Variants in MROH1 observed in about 807,000 individuals in gnomAD.
MROH1 encodes the protein maestro heat-like repeat-containing protein family member 1.
Under a neutral mutation model 116.5 loss-of-function variants are expected in MROH1, and 117 were observed. The ratio of observed to expected loss-of-function variants is 1.00; its 90% CI spans 0.86 to 1.17. MROH1 has a LOEUF of 1.17. MROH1 is among the 50% of genes most tolerant of loss of function. The probability of loss-of-function intolerance (pLI) is 0.00; values close to 1 mark genes in which losing one functional copy is unlikely to be tolerated. For missense variants in MROH1, 1,873 were observed against 1,338.5 expected (o/e 1.40, Z -6.23); for synonymous variants, 921 against 583.9 (o/e 1.58, Z -8.32).
At chr8:144,184,614 T>C (rs1304563150) in intron 7 of MROH1, among the ~76,000 whole-genome samples, 1 of 152,134 alleles carries the variant, frequency 6.6e-6, no homozygotes, top group Non-Finnish European at 1.5e-5. Flanking sequence ...AGGAGGTGGG[T>C]GTGGCAGCCG....
Position 144,163,898 on chromosome 8 carries a change from C to T in MROH1, c.22+50C>T, listed in dbSNP as rs765580753. ...GCCGGGTGTGAGGCCTCTCTTGCCT[C>T]TGGGTGGTCAGGGCAGGCCAAGGCT... On this transcript the variant is annotated intron_variant, in intron 3 of 43. Transcript: ENST00000326134. The surrounding 1 kb of genome is among the most constrained non-coding windows in gnomAD (Gnocchi z 4.4). 1.2e-6 allele frequency: 2 copies of T among 1,606,828 alleles called. No individual in the cohort carries two copies. Among genetic ancestry groups the T allele is most frequent in the African/African-American group, 1.3e-5 (1 of 74,826 alleles).
chr8:144,164,738 A>G (rs1306985930), intron 3 of MROH1, among the ~76,000 whole-genome samples: 1 of 151,972 alleles, frequency 6.6e-6, no homozygotes, highest in Non-Finnish European at 1.5e-5. Context: ...CCAGGTTTTC[A>G]TCAGAAAAAA....
chr8:144,241,619 G>A (rs994650770), intron 22 of MROH1, 102 bp downstream of exon 22: 584 of 762,942 alleles, frequency 7.7e-4, no homozygotes, highest in Non-Finnish European at 1.1e-3. Context: ...AGCTGGTTGC[G>A]TCCCTGGACC....
chr8:144,200,565 G>GCCGCCACC (rs1235739840), intron 12 of MROH1, 24 bp downstream of exon 12: 1 of 1,510,520 alleles, frequency 6.6e-7, no homozygotes. Context: ...TGCTAGCCTG[G>GCCGCCACC]CCGCCACCCC....
intron 24 of MROH1, 84 bp downstream of exon 24, chr8:144,242,712 C>A (rs1841215028): frequency 1.4e-6 from 1 of 730,866 alleles, no homozygotes; most frequent in Non-Finnish European, 2.5e-6. Flanking sequence ...TAGGCAGAGG[C>A]CGGAGGGGGA....
In MROH1 at chr8:144,190,933, A is replaced by C; in HGVS notation, c.712A>C (p.Lys238Gln). 1 of 1,612,908 alleles carries C rather than the reference A, an allele frequency of 6.2e-7. No individual in the cohort carries two copies. Among genetic ancestry groups the C allele is most frequent in the South Asian group, 1.1e-5 (1 of 91,036 alleles). ...FHQWLQSREA[K>Q]LRLAVVEALG... ...TCAGTGGCTGCAGAGTCGAGAAGCC[A>C]AGGTATGCCCCGTGGCTGCATCAGT... The change falls in exon 8 of 44, where the codon AAG (lysine) becomes CAG (glutamine). Residue 238 changes from lysine to glutamine, a missense_variant and splice_region_variant. Transcript: ENST00000326134.
intron 12 of MROH1, among the ~76,000 whole-genome samples, chr8:144,212,196 G>A (rs773340751): frequency 6.6e-6 from 1 of 152,018 alleles, no homozygotes; most frequent in Non-Finnish European, 1.5e-5. Context: ...GGATCCTCCT[G>A]TCTCAGCCTC....
chr8:144,159,833 T>C (rs1463452466), intron 1 of MROH1, among the ~76,000 whole-genome samples: 2 of 148,270 alleles, frequency 1.3e-5, no homozygotes, highest in African/African-American at 2.5e-5. Flanking sequence ...AGTGGTGCGA[T>C]CTTGGCTCAC....
chr8:144,197,148 G>C (rs996340296), intron 10 of MROH1, among the ~76,000 whole-genome samples: 29 of 152,150 alleles, frequency 1.9e-4, no homozygotes, highest in African/African-American at 6.8e-4. Flanking sequence ...GGTCCAGAAG[G>C]TGAGAGCAGC....
In MROH1 at chr8:144,207,312, C is replaced by T. The variant is rs541403033; in HGVS notation, c.1141+6771C>T. Among the ~76,000 whole-genome samples, 304 of 151,930 alleles carry T rather than the reference C, an allele frequency of 2.0e-3. 1 individual carries two copies. Among genetic ancestry groups the T allele is most frequent in the African/African-American group, 6.8e-3 (283 of 41,432 alleles). ...AAGCAATTCTCCTGCCTCAGCCTCCCAAGTAGCTAGGACTACAGGCGCTCA... is the reference window on the plus strand; with the variant it reads ...AAGCAATTCTCCTGCCTCAGCCTCCTAAGTAGCTAGGACTACAGGCGCTCA... On this transcript the variant is annotated intron_variant, in intron 12 of 43. Coordinates refer to ENST00000326134, the MANE Select transcript of MROH1 (RefSeq NM_032450.3).
intron 22 of MROH1, 137 bp downstream of exon 22, chr8:144,241,654 A>G (rs1840998915): frequency 1.4e-6 from 1 of 731,486 alleles, no homozygotes; most frequent in South Asian, 1.4e-5. Context: ...CATTCCTTCC[A>G]TGGGCAGGAC....
intron 14 of MROH1, among the ~76,000 whole-genome samples, chr8:144,237,844 T>G (rs1390260246): frequency 2.6e-5 from 4 of 152,216 alleles, no homozygotes; most frequent in African/African-American, 9.6e-5. Flanking sequence ...TTGTCCCCAG[T>G]CTGTGTCCTA....
At chr8:144,223,063 A>C (rs1165904827) in intron 13 of MROH1, 45 bp from the exon 14 acceptor site, 1 of 1,610,018 alleles carries the variant, frequency 6.2e-7, no homozygotes, top group Admixed American at 1.7e-5. Flanking sequence ...CTGGCATGGC[A>C]GTCTCTGCGT....
At chr8:144,197,644 C>G (rs2131736074) in intron 10 of MROH1, among the ~76,000 whole-genome samples, 1 of 149,880 alleles carries the variant, frequency 6.7e-6, no homozygotes, top group South Asian at 2.1e-4. Context: ...ACCGTGTTAG[C>G]CAGGACGGTC....
intron 14 of MROH1, among the ~76,000 whole-genome samples, chr8:144,233,517 G>C (rs113798942): frequency 1.1e-5 from 1 of 90,526 alleles, no homozygotes; most frequent in Non-Finnish European, 2.1e-5. Flanking sequence ...TCTCTCTCCC[G>C]CAGCTCCTGC....
chr8:144,155,193 C>T (rs1377527698), intron 1 of MROH1, among the ~76,000 whole-genome samples: 7 of 152,102 alleles, frequency 4.6e-5, no homozygotes, highest in African/African-American at 7.2e-5. Flanking sequence ...TCAGTTAATG[C>T]GCCTGCTTCA....
intron 14 of MROH1, among the ~76,000 whole-genome samples, chr8:144,238,348 G>T (rs1311074009): frequency 6.6e-6 from 1 of 152,150 alleles, no homozygotes; most frequent in African/African-American, 2.4e-5. Context: ...GCCTTCTGGG[G>T]AGCTGAGCGT....
At chr8:144,157,238 T>A (rs1025849843) in intron 1 of MROH1, among the ~76,000 whole-genome samples, 3 of 152,074 alleles carry the variant, frequency 2.0e-5, no homozygotes, top group Non-Finnish European at 2.9e-5. Context: ...TGAGCCACCA[T>A]GTACAGCTAA....
intron 1 of MROH1, among the ~76,000 whole-genome samples, chr8:144,159,712 T>G (rs1391880832): frequency 2.6e-5 from 4 of 152,202 alleles, no homozygotes; most frequent in Non-Finnish European, 5.9e-5. Context: ...TTTGTATTGG[T>G]TGGTTCATCC....
Sources: allele counts gnomAD v4.1 joint callset (sites outside exome capture counted in the v4.1 genomes callset), GRCh38; gene constraint gnomAD v4.1.1; non-coding constraint Gnocchi (gnomAD v3.1); transcripts MANE v1.5; gene names NCBI Gene and HGNC (gene_info 2026-07-23, HGNC 2026-07-21).